EHMT1: variants seen among roughly 807,000 people sequenced by gnomAD.
EHMT1 encodes the protein euchromatic histone lysine methyltransferase 1.
A neutral mutation model predicts 147.2 loss-of-function variants in EHMT1; 15 were observed. That is an observed-to-expected ratio of 0.10 (90% confidence interval 0.07 to 0.16). The LOEUF (loss-of-function observed/expected upper bound fraction) is 0.16, where lower values mean the gene tolerates loss of function less well. EHMT1 is among the 10% of genes least tolerant of loss of function. The probability of loss-of-function intolerance (pLI) is 1.00; values close to 1 mark genes in which losing one functional copy is unlikely to be tolerated. For synonymous variants in EHMT1, 795 were observed against 709.6 expected (o/e 1.12, Z -1.91); for missense variants, 1,587 against 1,772.4 (o/e 0.90, Z 1.88).
At chr9:137,642,092 G>A (rs932315481) in intron 1 of EHMT1, among the ~76,000 whole-genome samples, 2 of 151,980 alleles carry the variant, frequency 1.3e-5, no homozygotes, top group Non-Finnish European at 2.9e-5. Flanking sequence ...CACCCGCCTC[G>A]GCCTCCCAAA....
intron 1 of EHMT1, among the ~76,000 whole-genome samples, chr9:137,701,168 C>G (rs555722842): frequency 1.3e-5 from 2 of 152,286 alleles, no homozygotes; most frequent in African/African-American, 4.8e-5. Flanking sequence ...GGTCCCTCCC[C>G]CAACATTGAG....
At chr9:137,646,444 AG>A in intron 1 of EHMT1, 1 of 985,416 alleles carries the variant, frequency 1.0e-6, no homozygotes, top group South Asian at 4.7e-5. Flanking sequence ...GGAAAGTAAG[AG>A]GGCTGAATGG....
chr9:137,754,295 A>G lies in EHMT1; in HGVS notation c.1369+4A>G. The G allele has an allele frequency of 6.2e-7, 1 of 1,613,834 alleles. No individual in the cohort carries two copies. The highest frequency in any genetic ancestry group is 8.5e-7 in the Non-Finnish European group (1 of 1,179,834). ...AAGAAGCCCAGCGGTGCCCTCGGTA[A>G]ATGCCGTGGGGGTGTGGGCCATCAC... On this transcript the variant is annotated splice_donor_region_variant and intron_variant, in intron 8 of 26. Transcript: ENST00000460843.
intron 1 of EHMT1, among the ~76,000 whole-genome samples, chr9:137,629,343 C>T (rs918731147): frequency 4.6e-5 from 7 of 151,354 alleles, no homozygotes; most frequent in Non-Finnish European, 1.0e-4. Context: ...CTGCCTGCCT[C>T]GGCCTCCCAA....
At position 137,775,438 on chromosome 9, in the gene EHMT1, G is replaced by C. The variant is rs1950885927; in HGVS notation, c.1791+186G>C. On this transcript the variant is annotated intron_variant, in intron 11 of 26. Transcript: ENST00000460843. This position sits in a 1 kb window ranked among gnomAD's most constrained non-coding sequence, Gnocchi z 6.1. ...ACCCCTGTCGAGCCCCAGTGCCTTAGACACCTTCACCCCCAACCCCCATTT... is the reference window on the plus strand; with the variant it reads ...ACCCCTGTCGAGCCCCAGTGCCTTACACACCTTCACCCCCAACCCCCATTT... Among the ~76,000 whole-genome samples the C allele has an allele frequency of 6.6e-6, 1 of 151,738 alleles. No homozygotes were observed. Among genetic ancestry groups the C allele is most frequent in the African/African-American group, 2.4e-5 (1 of 41,354 alleles).
intron 10 of EHMT1, among the ~76,000 whole-genome samples, chr9:137,774,789 T>C (rs939622114): frequency 6.7e-6 from 1 of 149,578 alleles, no homozygotes; most frequent in African/African-American, 2.5e-5. Context: ...ATCTGGTGGG[T>C]GTGGGCACGC....
chr9:137,763,002 C>T (rs1022109610), intron 10 of EHMT1, 182 bp downstream of exon 10: 41 of 772,958 alleles, frequency 5.3e-5, no homozygotes, highest in Non-Finnish European at 8.5e-5. Context: ...GATGATGAAA[C>T]ACAGGTCTAG....
At chr9:137,707,275 C>CTACAGA (rs1944348866) in intron 1 of EHMT1, among the ~76,000 whole-genome samples, 1 of 152,212 alleles carries the variant, frequency 6.6e-6, no homozygotes, top group Non-Finnish European at 1.5e-5. Context: ...ACCCTAGGAG[C>CTACAGA]AGCCCCTGGG....
intron 1 of EHMT1, among the ~76,000 whole-genome samples, chr9:137,678,930 G>A (rs921481547): frequency 6.6e-6 from 1 of 152,082 alleles, no homozygotes; most frequent in Non-Finnish European, 1.5e-5. Flanking sequence ...TGAAAACTGA[G>A]AATTTGTTTA....
At chr9:137,702,450 C>T (rs1365003858) in intron 1 of EHMT1, among the ~76,000 whole-genome samples, 1 of 152,174 alleles carries the variant, frequency 6.6e-6, no homozygotes, top group East Asian at 1.9e-4. Context: ...GTCTGAAACC[C>T]AGCAGGGCAG....
At chr9:137,726,437 C>T (rs1023770780) in intron 3 of EHMT1, among the ~76,000 whole-genome samples, 7 of 152,080 alleles carry the variant, frequency 4.6e-5, no homozygotes, top group South Asian at 2.1e-4. Context: ...CACGCTGCAG[C>T]GCGGGCCCCA....
chr9:137,803,302 T>G (rs183876959), intron 18 of EHMT1: 1,381 of 999,426 alleles, frequency 1.4e-3, no homozygotes, highest in South Asian at 1.9e-3. Flanking sequence ...AAGCCATTGT[T>G]GCTGTCGGAA....
chr9:137,773,248 C>T (rs1950707226), intron 10 of EHMT1, among the ~76,000 whole-genome samples: 1 of 152,154 alleles, frequency 6.6e-6, no homozygotes, highest in Non-Finnish European at 1.5e-5. Context: ...TTTTCAAAGT[C>T]AGTAGGTACA....
chr9:137,779,826 C>G (rs1951244759), intron 14 of EHMT1, 109 bp downstream of exon 14: 1 of 1,255,894 alleles, frequency 8.0e-7, no homozygotes, highest in African/African-American at 1.5e-5. Context: ...TTTTGGTTTT[C>G]TGTTTCTGTG....
intron 3 of EHMT1, among the ~76,000 whole-genome samples, chr9:137,723,123 G>A (rs1946240994): frequency 7.1e-6 from 1 of 141,370 alleles, no homozygotes; most frequent in Non-Finnish European, 1.6e-5. Context: ...CTGTGTCCGT[G>A]GTTCTGGGCC....
At chr9:137,758,685 G>T (rs549786505) in intron 9 of EHMT1, among the ~76,000 whole-genome samples, 1 of 152,282 alleles carries the variant, frequency 6.6e-6, no homozygotes, top group South Asian at 2.1e-4. Flanking sequence ...GATCTTACTG[G>T]TGTGGCATTG....
intron 1 of EHMT1, among the ~76,000 whole-genome samples, chr9:137,655,959 T>A (rs985030206): frequency 6.6e-6 from 1 of 152,202 alleles, no homozygotes; most frequent in Admixed American, 6.5e-5. Context: ...GATATAAAAA[T>A]GTTTTAATGC....
At chr9:137,814,056 G>GCCCCCCCCCCCCC (rs71387862) in intron 21 of EHMT1, among the ~76,000 whole-genome samples, 1 of 50,062 alleles carries the variant, frequency 2.0e-5, no homozygotes. Flanking sequence ...CACTGCCCAG[G>GCCCCCCCCCCCCC]CCCCCCCCCC....
chr9:137,667,017 A>C (rs1306497954), intron 1 of EHMT1: 2 of 152,262 alleles, frequency 1.3e-5, no homozygotes, highest in Non-Finnish European at 2.9e-5. Context: ...AGCTCTGAGG[A>C]AACTCCAGCT....
Sources: allele counts gnomAD v4.1 joint callset (sites outside exome capture counted in the v4.1 genomes callset), GRCh38; gene constraint gnomAD v4.1.1; non-coding constraint Gnocchi (gnomAD v3.1); transcripts MANE v1.5; gene names NCBI Gene and HGNC (gene_info 2026-07-23, HGNC 2026-07-21).